Variants in DGKH observed in about 807,000 individuals in gnomAD.
The protein encoded by DGKH is DAG kinase eta.
A neutral mutation model predicts 159.3 loss-of-function variants in DGKH; 90 were observed. That is an observed-to-expected ratio of 0.57 (90% confidence interval 0.48 to 0.67). The LOEUF (loss-of-function observed/expected upper bound fraction) is 0.67. Ranked by LOEUF, DGKH falls within the 30% of genes least tolerant of loss-of-function variation. The pLI, the probability that DGKH is intolerant of heterozygous loss-of-function variation, is 0.00. For synonymous variants in DGKH, 536 were observed against 553.8 expected (o/e 0.97, Z 0.45); for missense variants, 1,181 against 1,506.1 (o/e 0.78, Z 3.57).
chr13:42,134,815 A>G (rs1955367220), intron 3 of DGKH, among the ~76,000 whole-genome samples: 1 of 152,010 alleles, frequency 6.6e-6, no homozygotes, highest in African/African-American at 2.4e-5. Flanking sequence ...CTTGTCTACT[A>G]AATATACAAA....
chr13:42,226,379 A>G (rs1958133035), intron 29 of DGKH, among the ~76,000 whole-genome samples: 1 of 152,182 alleles, frequency 6.6e-6, no homozygotes, highest in Non-Finnish European at 1.5e-5. Context: ...ATTGTGGAAA[A>G]CAGTGTGGCA....
intron 13 of DGKH, chr13:42,181,831 C>A (rs528178248): frequency 1.9e-5 from 4 of 215,230 alleles, no homozygotes; most frequent in South Asian, 1.6e-4. Context: ...GGCAGCTGAG[C>A]TGCTGGTGCT....
At chr13:42,225,284 T>C in intron 29 of DGKH, 4 of 1,587,034 alleles carry the variant, frequency 2.5e-6, no homozygotes, top group Non-Finnish European at 3.4e-6. Context: ...TCATTTTCTT[T>C]GCTAGAACAC....
chr13:42,070,559 C>T (rs1165561833), intron 1 of DGKH: 97 of 1,503,278 alleles, frequency 6.5e-5, no homozygotes, highest in Non-Finnish European at 8.4e-5. Context: ...TAATGAGGAT[C>T]CATGATCCGT....
intron 15 of DGKH, 73 bp downstream of exon 15, chr13:42,189,382 G>A: frequency 2.5e-6 from 4 of 1,587,574 alleles, no homozygotes; most frequent in Non-Finnish European, 3.4e-6. Flanking sequence ...AGTTTCCATA[G>A]TGGTCAGATT....
At chr13:42,215,524 G>A in intron 25 of DGKH, 51 bp from the exon 26 acceptor site, 1 of 1,346,638 alleles carries the variant, frequency 7.4e-7, no homozygotes, top group East Asian at 2.4e-5. Flanking sequence ...TTATGGTAAT[G>A]AAATCCTATT....
chr13:42,207,367 T>C (rs1231175638), intron 21 of DGKH, among the ~76,000 whole-genome samples: 1 of 151,404 alleles, frequency 6.6e-6, no homozygotes, highest in African/African-American at 2.4e-5. Flanking sequence ...TTTTTGCATT[T>C]TTAGTAGAGA....
chr13:42,214,136 A>G (rs566897806), intron 24 of DGKH, among the ~76,000 whole-genome samples: 7 of 152,310 alleles, frequency 4.6e-5, no homozygotes, highest in South Asian at 2.1e-4. Context: ...AATCTGTTGC[A>G]TTTGCAGTTT....
rs1447687676 is a variant in DGKH, at chr13:42,242,546, A to C, written c.*13358A>C. ...TTGTTTACATGCTGTTTACAATGGCATAATTTTAAAAATATATACAATTGA... is the reference window on the plus strand; with the variant it reads ...TTGTTTACATGCTGTTTACAATGGCCTAATTTTAAAAATATATACAATTGA... On this transcript the variant is annotated 3_prime_UTR_variant, in exon 30 of 30. Coordinates refer to ENST00000337343, the MANE Select transcript of DGKH (RefSeq NM_178009.5). The C allele has an allele frequency of 6.6e-6, 1 of 152,266 alleles. No homozygotes were observed. Among genetic ancestry groups the C allele is most frequent in the Admixed American group, 6.5e-5 (1 of 15,286 alleles). The allele number at this position is 152,266 out of a possible 1,614,324, so 9.4% of individuals were successfully genotyped here.
intron 3 of DGKH, among the ~76,000 whole-genome samples, chr13:42,153,244 C>A (rs1955960947): frequency 6.6e-6 from 1 of 152,128 alleles, no homozygotes; most frequent in African/African-American, 2.4e-5. Flanking sequence ...TCCAAATACA[C>A]AAAGAAAAAT....
intron 1 of DGKH, among the ~76,000 whole-genome samples, chr13:42,105,061 C>A (rs187170509): frequency 6.6e-6 from 1 of 151,828 alleles, no homozygotes; most frequent in African/African-American, 2.4e-5. Context: ...AGTTTTAAAC[C>A]TTTATGACTG....
intron 1 of DGKH, chr13:42,066,145 C>G (rs1882555831): frequency 6.6e-6 from 1 of 152,334 alleles, no homozygotes; most frequent in Admixed American, 6.5e-5. Context: ...ATCCGCCCAC[C>G]TGGGCCTCCC....
intron 1 of DGKH, among the ~76,000 whole-genome samples, chr13:42,112,868 A>G (rs9566921): frequency 0.14 from 21,120 of 152,202 alleles, 1,599 homozygotes; most frequent in Non-Finnish European, 0.17. Flanking sequence ...GGGGGCATAC[A>G]GCAGCTGGAG....
chr13:42,239,988 C>A lies in DGKH; in HGVS notation c.*10800C>A, dbSNP rs1401296362. 6.6e-6 allele frequency: 1 copy of A among 152,190 alleles called. No homozygotes were observed. Among genetic ancestry groups the A allele is most frequent in the Non-Finnish European group, 1.5e-5 (1 of 68,018 alleles). 9.4% of individuals were successfully genotyped at this position (152,190 alleles called of 1,614,324 possible). A position where few individuals can be genotyped will look rare whatever the true frequency, so the allele number is the denominator to read the frequency against. On this transcript the variant is annotated 3_prime_UTR_variant, in exon 30 of 30. Transcript: ENST00000337343. ...TTTCTGTGAAGCCCTACCTGACTTCCCTAGGCAGGTATTTTCTCCATGCCT... is the reference window on the plus strand; with the variant it reads ...TTTCTGTGAAGCCCTACCTGACTTCACTAGGCAGGTATTTTCTCCATGCCT...
chr13:42,111,641 G>A (rs1159381719), intron 1 of DGKH, among the ~76,000 whole-genome samples: 4 of 152,182 alleles, frequency 2.6e-5, no homozygotes, highest in Admixed American at 2.0e-4. Flanking sequence ...ATATTTAAAT[G>A]TAAATGTCCC....
chr13:42,099,610 A>G (rs1442264809), intron 1 of DGKH, among the ~76,000 whole-genome samples: 1 of 152,222 alleles, frequency 6.6e-6, no homozygotes. Context: ...AAGCAAGGGT[A>G]AAGGCTTGAA....
Position 42,116,484 on chromosome 13 carries a change from C to A in DGKH, c.193-10979C>A, listed in dbSNP as rs148562260. On this transcript the variant is annotated intron_variant, in intron 1 of 29. Transcript: ENST00000337343. ...GTTCTTCTGGAATTCTTGAAGGCATCTGTAAAAGACATGCATCCTCACTGA... is the reference window on the plus strand; with the variant it reads ...GTTCTTCTGGAATTCTTGAAGGCATATGTAAAAGACATGCATCCTCACTGA... Among the ~76,000 whole-genome samples, 622 of 152,300 alleles carry A rather than the reference C, an allele frequency of 4.1e-3. 6 individuals are homozygous for A. The highest frequency in any genetic ancestry group is 0.014 in the African/African-American group (597 of 41,556).
intron 3 of DGKH, among the ~76,000 whole-genome samples, chr13:42,144,001 TA>T (rs975710552): frequency 2.5e-3 from 380 of 152,126 alleles, no homozygotes; most frequent in African/African-American, 8.5e-3. Context: ...AAGAAATAAC[TA>T]AAAAAAATTA....
At position 42,234,466 on chromosome 13, in the gene DGKH, G is replaced by A. The variant is rs1293914035; in HGVS notation, c.*5278G>A. 1 of 152,120 alleles carries A rather than the reference G, an allele frequency of 6.6e-6. No individual in the cohort carries two copies. Among genetic ancestry groups the A allele is most frequent in the Non-Finnish European group, 1.5e-5 (1 of 68,038 alleles). The allele number at this position is 152,120 out of a possible 1,614,324, so 9.4% of individuals were successfully genotyped here. A position where few individuals can be genotyped will look rare whatever the true frequency, so the allele number is the denominator to read the frequency against. On this transcript the variant is annotated 3_prime_UTR_variant, in exon 30 of 30. Coordinates refer to ENST00000337343, the MANE Select transcript of DGKH (RefSeq NM_178009.5). ...TGGATATGAATTCTTTAAGGATGTA[G>A]CCCTTAATTAAGCTGTAAAAACAAT...
Sources: gnomAD v4.1 joint callset for allele counts (sites outside exome capture counted in the v4.1 genomes callset) on GRCh38, gnomAD v4.1.1 for gene constraint, MANE v1.5 for transcripts, NCBI Gene and HGNC (gene_info 2026-07-23, HGNC 2026-07-21) for gene names.